The following TAC4 variants were observed in gnomAD, a reference collection of about 807,000 sequenced individuals.
TAC4 encodes tachykinin-4.
TAC4 carries 17 observed loss-of-function variants against 17.7 expected under a neutral mutation model. The observed-to-expected ratio is 0.96, with a 90% confidence interval of 0.66 to 1.44. The LOEUF (loss-of-function observed/expected upper bound fraction) is 1.44. Among genes scored for constraint, TAC4 ranks in the 40% most tolerant of loss-of-function variants. The pLI is 0.00. For synonymous variants in TAC4, 62 were observed against 52.4 expected (o/e 1.18, Z -0.79); for missense variants, 118 against 125.6 (o/e 0.94, Z 0.29).
chr17:49,839,993 G>A, intron 3 of TAC4, 84 bp from the exon 4 acceptor site: 5 of 1,378,372 alleles, frequency 3.6e-6, no homozygotes, highest in Admixed American at 3.7e-5. Context: ...AAAGGACAGG[G>A]CCAGGGCGAG....
chr17:49,838,571 G>T lies in TAC4; in HGVS notation c.*71C>A. ...CACAGAGAAGAGAGTTGGCCTGCCG[G>T]CTTGTCAGCTGTGACATCCAGGTAG... On this transcript the variant is annotated 3_prime_UTR_variant, in exon 5 of 5. Transcript: ENST00000436235. The T allele has an allele frequency of 6.3e-7, 1 of 1,594,440 alleles. No homozygotes were observed. The highest frequency in any genetic ancestry group is 8.6e-7 in the Non-Finnish European group (1 of 1,162,674).
chr17:49,840,460 CT>C (rs1356252883), intron 3 of TAC4, among the ~76,000 whole-genome samples: 2 of 152,068 alleles, frequency 1.3e-5, no homozygotes, highest in Non-Finnish European at 2.9e-5. Flanking sequence ...AGACTTGGTC[CT>C]GAGAGCGCTG....
chr17:49,839,219 A>G (rs576599712), intron 4 of TAC4, among the ~76,000 whole-genome samples: 4 of 152,226 alleles, frequency 2.6e-5, no homozygotes, highest in South Asian at 2.1e-4. Flanking sequence ...GAGGTTAGGC[A>G]CTAGGGAAGG....
intron 3 of TAC4, 110 bp from the exon 4 acceptor site, chr17:49,840,019 T>TG (rs1047181122): frequency 1.0e-6 from 1 of 961,508 alleles, no homozygotes; most frequent in African/African-American, 1.6e-5. Context: ...GGGCCAGGGC[T>TG]GGGGCCTTGC....
chr17:49,842,529 CAAAAA>C, intron 2 of TAC4, among the ~76,000 whole-genome samples: 1 of 137,698 alleles, frequency 7.3e-6, no homozygotes, highest in East Asian at 2.1e-4. Context: ...GACTCCATCT[CAAAAA>C]AAAAAAGAAG....
chr17:49,844,073 G>T lies in TAC4; in HGVS notation c.190C>A (p.Arg64=). The change falls in exon 2 of 5, where the codon CGA becomes AGA. Residue 64 remains arginine (R), a synonymous_variant. Coordinates refer to ENST00000436235, the MANE Select transcript of TAC4 (RefSeq NM_001077506.2). ...ASQFFGLMGK[R]VGGRPLIQPR... ...TGTCATTGTCACTCACCTCCCACTC[G>T]CTTCCCCATCAGCCCAAAGAACTGG... is the stretch of plus-strand genomic sequence containing the variant. 6.2e-7 allele frequency: 1 copy of T among 1,613,600 alleles called. No individual in the cohort carries two copies. Among genetic ancestry groups the T allele is most frequent in the Non-Finnish European group, 8.5e-7 (1 of 1,179,682 alleles).
At position 49,839,547 on chromosome 17, in the gene TAC4, C is replaced by T. The variant is rs558934457; in HGVS notation, c.292+303G>A. On this transcript the variant is annotated intron_variant, in intron 4 of 4. Transcript: ENST00000436235. Reference sequence around the variant, plus strand: ...AAACAGTGAGGGAATGGGGGATGTTCCAAGGTCTGGAAAACTAGGCATCAG... The same window carrying T: ...AAACAGTGAGGGAATGGGGGATGTTTCAAGGTCTGGAAAACTAGGCATCAG... Among the ~76,000 whole-genome samples, 7 of 152,308 alleles carry T rather than the reference C, an allele frequency of 4.6e-5. No homozygotes were observed. In the East Asian group the frequency reaches 9.7e-4, roughly 21 times the overall value.
At chr17:49,841,656 C>T (rs373533339) in intron 2 of TAC4, 72 bp from the exon 3 acceptor site, 19 of 1,444,924 alleles carry the variant, frequency 1.3e-5, no homozygotes, top group Non-Finnish European at 1.7e-5. Flanking sequence ...GTGGAAAAGG[C>T]TCCAGTTCTT....
At chr17:49,846,202 G>A in intron 1 of TAC4, 1 of 1,289,124 alleles carries the variant, frequency 7.8e-7, no homozygotes, top group Non-Finnish European at 1.0e-6. Flanking sequence ...CCCAACTCCA[G>A]GGATGACTAC....
chr17:49,839,954 G>A, intron 3 of TAC4, 45 bp from the exon 4 acceptor site: 1 of 1,599,418 alleles, frequency 6.3e-7, no homozygotes, highest in South Asian at 1.1e-5. Flanking sequence ...GGCAGCAGAG[G>A]TAGGCTGTTT....
In TAC4 at chr17:49,844,294, C is replaced by T. The variant is rs534698382; in HGVS notation, c.106-137G>A. The T allele has an allele frequency of 1.4e-3, 1,000 of 708,328 alleles. 14 individuals carry two copies. The South Asian group carries it at 0.015, about 11-fold the overall frequency. 43.9% of individuals were successfully genotyped at this position (708,328 alleles called of 1,614,324 possible). A position where few individuals can be genotyped will look rare whatever the true frequency, so the allele number is the denominator to read the frequency against. ...TGTGCACTGGCACTGGGCACCTCAG[C>T]ATATTTTACACAGTACTGCACATCT... On this transcript the variant is annotated intron_variant, in intron 1 of 4. Transcript: ENST00000436235.
rs367833852 is a variant in TAC4 at position 49,839,908 on chromosome 17, T to A, written c.234A>T (p.Ala78=). 6 of 1,611,446 alleles carry A rather than the reference T, an allele frequency of 3.7e-6. No homozygotes were observed. The African/African-American group carries it at 6.7e-5, about 18-fold the overall frequency. The part of the protein sequence containing the change: ...RPLIQPRRKK[A]YQLEHTFQGL... ...CCTGGAACGTGTGTTCCAGCTGATA[T>A]GCTGGTGGTGGGAGAGAGAAGTGGT... is the stretch of plus-strand genomic sequence containing the variant. Residue 78 remains alanine (A), a splice_region_variant and synonymous_variant, in exon 4 of 5, where the codon GCA becomes GCT. Coordinates refer to ENST00000436235, the MANE Select transcript of TAC4 (RefSeq NM_001077506.2).
At chr17:49,846,648 A>C (rs1258833183) in intron 1 of TAC4, among the ~76,000 whole-genome samples, 2 of 152,088 alleles carry the variant, frequency 1.3e-5, no homozygotes, top group East Asian at 3.9e-4. Context: ...GTCTCCTCCC[A>C]TATTCCAAGC....
chr17:49,839,282 T>G (rs1348425130), intron 4 of TAC4, among the ~76,000 whole-genome samples: 2 of 152,164 alleles, frequency 1.3e-5, no homozygotes, highest in Admixed American at 1.3e-4. Flanking sequence ...GCCCGCTCAC[T>G]TGAGCTGTGA....
chr17:49,844,123 T>G lies in TAC4; in HGVS notation c.140A>C (p.Gln47Pro), dbSNP rs1319489064. The change falls in exon 2 of 5, where the codon CAG becomes CCG. Residue 47 changes from glutamine to proline, a missense_variant. Coordinates refer to ENST00000436235, the MANE Select transcript of TAC4 (RefSeq NM_001077506.2). ...GCTTGCCTTGCCCGTCTTCACCTCC[T>G]GCAGCTGGAGCTGAATGCTGGGGCC... ...GAGPSIQLQL[Q>P]EVKTGKASQF... 3.1e-6 allele frequency: 5 copies of G among 1,613,850 alleles called. No individual in the cohort carries two copies. The highest frequency in any genetic ancestry group is 4.2e-6 in the Non-Finnish European group (5 of 1,179,834).
chr17:49,846,311 CTG>C, intron 1 of TAC4: 1 of 1,142,798 alleles, frequency 8.8e-7, no homozygotes, highest in South Asian at 1.3e-5. Flanking sequence ...GGGTCTCGCT[CTG>C]TTGCCCAGGT....
Position 49,847,966 on chromosome 17 carries a change from C to T in TAC4, c.52G>A (p.Val18Met), listed in dbSNP as rs1297044851. ...LLLMELSVCTVAGDGGEEQTL... is the reference protein window; with the variant it reads ...LLLMELSVCTMAGDGGEEQTL... ...TGTTCCTCTCCACCATCACCTGCCA[C>T]AGTGCACACGGACAGCTCCATCAGG... Residue 18 changes from valine to methionine, a missense_variant, in exon 1 of 5, where the codon GTG becomes ATG. Transcript: ENST00000436235. 2 of 1,614,228 alleles carry T rather than the reference C, an allele frequency of 1.2e-6. No homozygotes were observed.
Position 49,839,973 on chromosome 17 carries a change from A to G in TAC4, c.233-64T>C. The stretch of plus-strand genomic sequence containing the variant: ...GCAGAGGTAGGCTGTTTTGGGAACC[A>G]GGGAAGGACAAAGGACAGGGCCAGG... On this transcript the variant is annotated intron_variant, in intron 3 of 4. Transcript: ENST00000436235. 3.2e-6 allele frequency: 5 copies of G among 1,548,524 alleles called. No homozygotes were observed. The South Asian group carries it at 5.7e-5, about 18-fold the overall frequency.
At chr17:49,842,733 C>CGAA (rs2074508106) in intron 2 of TAC4, among the ~76,000 whole-genome samples, 1 of 152,108 alleles carries the variant, frequency 6.6e-6, no homozygotes, top group African/African-American at 2.4e-5. Context: ...TTCCCTTTCT[C>CGAA]CCCCCTCATC....
Sources: allele counts gnomAD v4.1 joint callset (sites outside exome capture counted in the v4.1 genomes callset), GRCh38; gene constraint gnomAD v4.1.1; transcripts MANE v1.5; gene names NCBI Gene and HGNC (gene_info 2026-07-23, HGNC 2026-07-21).